Variants in SLC18A2 observed in about 807,000 individuals in gnomAD.
SLC18A2 encodes solute carrier family 18 member A2, also known as synaptic vesicular amine transporter.
In SLC18A2, 33 loss-of-function variants were observed where a neutral mutation model predicts 59.2. The ratio of observed to expected loss-of-function variants is 0.56; its 90% CI spans 0.42 to 0.75. The LOEUF is 0.75. Among genes scored for constraint, SLC18A2 ranks in the 30% least tolerant of loss-of-function variants. SLC18A2 has a pLI of 0.00. For synonymous variants in SLC18A2, 228 were observed against 253.5 expected (o/e 0.90, Z 0.95); for missense variants, 569 against 668.6 (o/e 0.85, Z 1.64).
chr10:117,264,846 C>T (rs1844331460), intron 10 of SLC18A2, among the ~76,000 whole-genome samples: 1 of 152,160 alleles, frequency 6.6e-6, no homozygotes, highest in African/African-American at 2.4e-5. Context: ...GCTTTTGAGG[C>T]CAGGTTTATA....
intron 1 of SLC18A2, 91 bp from the exon 2 acceptor site, chr10:117,241,588 G>A (rs1290976079): frequency 1.5e-6 from 2 of 1,322,852 alleles, no homozygotes; most frequent in Non-Finnish European, 2.0e-6. Context: ...CGGTGCGCGC[G>A]GCTCCCTGAC....
In SLC18A2 at chr10:117,264,105, G is replaced by A. The variant is rs144020168; in HGVS notation, c.992-2628G>A. Among the ~76,000 whole-genome samples the A allele has an allele frequency of 5.9e-5, 9 of 152,342 alleles. No homozygotes were observed. In the East Asian group the frequency reaches 9.6e-4, roughly 16 times the overall value. On this transcript the variant is annotated intron_variant, in intron 10 of 15. Coordinates refer to ENST00000644641, the MANE Select transcript of SLC18A2 (RefSeq NM_003054.6). ...TCTCCCCGCAGGCTTCGTGATGACCGGAGCCCCTCTCTCACTGGCTGGCCA... is the reference window on the plus strand; with the variant it reads ...TCTCCCCGCAGGCTTCGTGATGACCAGAGCCCCTCTCTCACTGGCTGGCCA...
At chr10:117,260,036 T>C (rs187456052) in intron 10 of SLC18A2, among the ~76,000 whole-genome samples, 29 of 152,368 alleles carry the variant, frequency 1.9e-4, no homozygotes, top group Non-Finnish European at 3.7e-4. Context: ...AAACTGCTTA[T>C]TGAGTTTTTA....
At chr10:117,253,033 T>A (rs962577342) in intron 3 of SLC18A2, among the ~76,000 whole-genome samples, 2 of 152,238 alleles carry the variant, frequency 1.3e-5, no homozygotes, top group Non-Finnish European at 2.9e-5. Context: ...TTTACCCGAA[T>A]CATTTGATTG....
rs1165980191 is a variant in SLC18A2 at position 117,278,127 on chromosome 10, T to C, written c.*861T>C. 6.6e-6 allele frequency: 1 copy of C among 152,214 alleles called. No homozygotes were observed. Among genetic ancestry groups the C allele is most frequent in the Non-Finnish European group, 1.5e-5 (1 of 68,030 alleles). The allele number at this position is 152,214 out of a possible 1,614,324, so 9.4% of individuals were successfully genotyped here. A position where few individuals can be genotyped will look rare whatever the true frequency, so the allele number is the denominator to read the frequency against. On this transcript the variant is annotated 3_prime_UTR_variant, in exon 16 of 16. Coordinates refer to ENST00000644641, the MANE Select transcript of SLC18A2 (RefSeq NM_003054.6). ...CATGATAAGGTTAATCGCCATCTACTTCAAGTTTTAGAAAAGGAAACAAGA... is the reference window on the plus strand; with the variant it reads ...CATGATAAGGTTAATCGCCATCTACCTCAAGTTTTAGAAAAGGAAACAAGA...
intron 3 of SLC18A2, among the ~76,000 whole-genome samples, chr10:117,252,580 A>G (rs1304025321): frequency 6.6e-6 from 1 of 152,144 alleles, no homozygotes; most frequent in Non-Finnish European, 1.5e-5. Context: ...TGTCTACTTA[A>G]TCCAGCAGAA....
intron 15 of SLC18A2, among the ~76,000 whole-genome samples, chr10:117,274,084 C>T (rs1184353654): frequency 6.6e-6 from 1 of 152,198 alleles, no homozygotes; most frequent in Non-Finnish European, 1.5e-5. Context: ...CCTGACTGAC[C>T]TGCTTGATGC....
At position 117,269,145 on chromosome 10, in the gene SLC18A2, A is replaced by G. The variant is rs1844390922; in HGVS notation, c.1187-926A>G. The stretch of plus-strand genomic sequence containing the variant: ...CACATACACATACAAACACCCACCC[A>G]CATACATATGCACACATACACACAT... On this transcript the variant is annotated intron_variant, in intron 13 of 15. Coordinates refer to ENST00000644641, the MANE Select transcript of SLC18A2 (RefSeq NM_003054.6). The surrounding 1 kb of genome is among the most constrained non-coding windows in gnomAD (Gnocchi z 5.1). Among the ~76,000 whole-genome samples, 1 of 127,780 alleles carries G rather than the reference A, an allele frequency of 7.8e-6. No homozygotes were observed. Among genetic ancestry groups the G allele is most frequent in the Admixed American group, 8.2e-5 (1 of 12,202 alleles). The allele number at this position is 127,780 out of a possible 152,430, so 83.8% of individuals were successfully genotyped here.
chr10:117,250,598 T>A (rs1025719077), intron 3 of SLC18A2, among the ~76,000 whole-genome samples: 1 of 152,170 alleles, frequency 6.6e-6, no homozygotes, highest in African/African-American at 2.4e-5. Context: ...GCACTCTCCA[T>A]CCCATGTGCT....
At chr10:117,250,646 G>C (rs954172747) in intron 3 of SLC18A2, among the ~76,000 whole-genome samples, 39 of 152,200 alleles carry the variant, frequency 2.6e-4, no homozygotes, top group African/African-American at 8.2e-4. Context: ...GCAGGGCCTA[G>C]CACATGTTAA....
At chr10:117,259,016 C>T (rs59626071) in intron 10 of SLC18A2, among the ~76,000 whole-genome samples, 6 of 152,216 alleles carry the variant, frequency 3.9e-5, no homozygotes, top group South Asian at 2.1e-4. Flanking sequence ...TATTTAATGC[C>T]GTTGCAGCGC....
chr10:117,255,637 C>G lies in SLC18A2; in HGVS notation c.875C>G (p.Pro292Arg), dbSNP rs749250240. The stretch of plus-strand genomic sequence containing the variant: ...CCCCTAACCACGCTGCTGAAGGACC[C>G]GTACATCCTCATTGCTGCAGGTGGG... ...GTPLTTLLKD[P>R]YILIAAGSIC... is the part of the protein sequence containing the mutation. The change falls in exon 9 of 16, where the codon CCG becomes CGG. Residue 292 changes from proline to arginine, a missense_variant. By Grantham distance (103) the Pro-to-Arg change is moderately radical. Transcript: ENST00000644641. 3.1e-6 allele frequency: 5 copies of G among 1,613,690 alleles called. No individual in the cohort carries two copies. The highest frequency in any genetic ancestry group is 1.7e-5 in the Admixed American group (1 of 60,016).
Position 117,250,680 on chromosome 10 carries a change from C to G in SLC18A2, c.465-2719C>G, listed in dbSNP as rs548322836. 9.8e-5 allele frequency among the ~76,000 whole-genome samples: 15 copies of G among 152,294 alleles called. 1 individual carries two copies. Among genetic ancestry groups the G allele is most frequent in the African/African-American group, 2.6e-4 (11 of 41,558 alleles). ...AACACACTCAGGGTATGCCCGTAGCCTTGAATTTGGGGCAAGTAATTCACC... is the reference window on the plus strand; with the variant it reads ...AACACACTCAGGGTATGCCCGTAGCGTTGAATTTGGGGCAAGTAATTCACC... On this transcript the variant is annotated intron_variant, in intron 3 of 15. Transcript: ENST00000644641.
rs1844363526 is a variant in SLC18A2 at position 117,267,718 on chromosome 10, G to A, written c.1168G>A (p.Gly390Arg). The A allele has an allele frequency of 1.3e-6, 2 of 1,561,632 alleles. No individual in the cohort carries two copies. Among genetic ancestry groups the A allele is most frequent in the African/African-American group, 2.7e-5 (2 of 74,390 alleles). The change falls in exon 13 of 16, where the codon GGA (glycine) becomes AGA (arginine). Residue 390 changes from glycine to arginine, a missense_variant. Physicochemically the swap from Gly to Arg is moderately radical, Grantham distance 125 (BLOSUM62 -2). Transcript: ENST00000644641. ...TTATGGACTCATAGCTCCGAACTTTGGAGTTGGTTTTGCAATTGGTAAGTC... is the reference window on the plus strand; with the variant it reads ...TTATGGACTCATAGCTCCGAACTTTAGAGTTGGTTTTGCAATTGGTAAGTC... Reference protein sequence around the residue: ...NIYGLIAPNFGVGFAIGMVDS... With the variant: ...NIYGLIAPNFRVGFAIGMVDS...
In SLC18A2 at chr10:117,252,347, G is replaced by A. The variant is rs576270496; in HGVS notation, c.465-1052G>A. Among the ~76,000 whole-genome samples, 19 of 151,998 alleles carry A rather than the reference G, an allele frequency of 1.3e-4. No individual in the cohort carries two copies. In the Middle Eastern group the frequency reaches 0.01, roughly 82 times the overall value. On this transcript the variant is annotated intron_variant, in intron 3 of 15. Transcript: ENST00000644641. The stretch of plus-strand genomic sequence containing the variant: ...CTTCCAGGCTGTTGCCAGAGCTCAG[G>A]ATGCTTGGCCCTTCTGCCTTCCTGG...
At chr10:117,257,689 TG>T in intron 9 of SLC18A2, 107 bp from the exon 10 acceptor site, 1 of 559,994 alleles carries the variant, frequency 1.8e-6, no homozygotes, top group Non-Finnish European at 3.1e-6. Context: ...CTTTACTTAA[TG>T]AAAGTAGAAG....
At chr10:117,249,032 A>T (rs1844136015) in intron 3 of SLC18A2, among the ~76,000 whole-genome samples, 1 of 152,242 alleles carries the variant, frequency 6.6e-6, no homozygotes, top group Non-Finnish European at 1.5e-5. Flanking sequence ...GCCACAGGGC[A>T]TGAAATCTCT....
In SLC18A2 at chr10:117,269,243, A is replaced by C. The variant is rs1844393854; in HGVS notation, c.1187-828A>C. ...CATACACAAATACAAGTACATACAC[A>C]AACACATATACACAGACACATACAC... On this transcript the variant is annotated intron_variant, in intron 13 of 15. Transcript: ENST00000644641. The surrounding 1 kb of genome is among the most constrained non-coding windows in gnomAD (Gnocchi z 5.1). Among the ~76,000 whole-genome samples the C allele has an allele frequency of 6.6e-6, 1 of 151,576 alleles. No homozygotes were observed. Among genetic ancestry groups the C allele is most frequent in the Non-Finnish European group, 1.5e-5 (1 of 67,696 alleles).
rs568730882 is a variant in SLC18A2, at chr10:117,246,874, G to A, written c.464+2561G>A. On this transcript the variant is annotated intron_variant, in intron 3 of 15. Transcript: ENST00000644641. The stretch of plus-strand genomic sequence containing the variant: ...TCACCATGTTGGCCAAGCTGGTGTC[G>A]AACTCCTGACCTCAGGTGATCTGCC... Among the ~76,000 whole-genome samples the A allele has an allele frequency of 1.2e-4, 18 of 152,188 alleles. No individual in the cohort carries two copies. In the South Asian group the frequency reaches 3.3e-3, roughly 28 times the overall value.
Sources: gnomAD v4.1 joint callset for allele counts (sites outside exome capture counted in the v4.1 genomes callset) on GRCh38, gnomAD v4.1.1 for gene constraint, Gnocchi (gnomAD v3.1) non-coding constraint, MANE v1.5 for transcripts, NCBI Gene and HGNC (gene_info 2026-07-23, HGNC 2026-07-21) for gene names.